Variants in EIF4G3 observed in about 807,000 individuals in gnomAD.
EIF4G3 encodes eIF-4-gamma 3.
Under a neutral mutation model 186.4 loss-of-function variants are expected in EIF4G3, and 34 were observed. The ratio of observed to expected loss-of-function variants is 0.18; its 90% CI spans 0.14 to 0.24. EIF4G3 has a LOEUF of 0.24. EIF4G3 is among the 10% of genes least tolerant of loss of function. EIF4G3 has a pLI of 1.00. For missense variants in EIF4G3, 1,536 were observed against 1,948.5 expected, an observed-to-expected ratio of 0.79 and a Z score of 3.99; for synonymous variants, 673 against 679.5, an observed-to-expected ratio of 0.99 and a Z score of 0.15.
At chr1:20,910,964 A>C (rs1018558665) in intron 14 of EIF4G3, among the ~76,000 whole-genome samples, 3 of 152,226 alleles carry the variant, frequency 2.0e-5, no homozygotes, top group African/African-American at 7.2e-5. Context: ...TTGTAATGAT[A>C]ATTTTAAATT....
intron 4 of EIF4G3, among the ~76,000 whole-genome samples, chr1:21,044,109 A>G (rs1412758158): frequency 1.3e-5 from 2 of 152,300 alleles, no homozygotes; most frequent in South Asian, 4.2e-4. Flanking sequence ...GTACATGGGG[A>G]CTTGGTGTGG....
chr1:21,081,636 A>ATTTT (rs566655576), intron 3 of EIF4G3, among the ~76,000 whole-genome samples: 2 of 122,770 alleles, frequency 1.6e-5, no homozygotes, highest in African/African-American at 3.0e-5. Context: ...GATGAGTCCA[A>ATTTT]TTTTTTTTTT....
At chr1:20,830,876 A>G (rs1270246852) in intron 30 of EIF4G3, among the ~76,000 whole-genome samples, 1 of 152,138 alleles carries the variant, frequency 6.6e-6, no homozygotes, top group African/African-American at 2.4e-5. Context: ...TCAGGTTTAC[A>G]GTTCTTAAAT....
At chr1:20,963,293 T>C (rs1046308063) in intron 12 of EIF4G3, among the ~76,000 whole-genome samples, 1 of 152,214 alleles carries the variant, frequency 6.6e-6, no homozygotes, top group Non-Finnish European at 1.5e-5. Flanking sequence ...TTTCAAATTA[T>C]CACAATGTCC....
At chr1:21,035,395 T>C (rs559135655) in intron 4 of EIF4G3, among the ~76,000 whole-genome samples, 24 of 152,080 alleles carry the variant, frequency 1.6e-4, no homozygotes, top group Admixed American at 7.9e-4. Flanking sequence ...GCCACTCAGG[T>C]CATGGCTGTG....
intron 14 of EIF4G3, among the ~76,000 whole-genome samples, chr1:20,911,601 G>A (rs1304323396): frequency 7.1e-6 from 1 of 140,514 alleles, no homozygotes; most frequent in Non-Finnish European, 1.5e-5. Flanking sequence ...ATGTAAAAGC[G>A]CTAACTACAT....
rs1314102530 is a variant in EIF4G3 at position 20,933,959 on chromosome 1, C to T, written c.1663+7532G>A. ...ATTTGGAAATCCTACTTTGGCCTCC[C>T]AAAATGTGGGGATTACAGGCATGAG... On this transcript the variant is annotated intron_variant, in intron 14 of 36. Coordinates refer to ENST00000602326, the MANE Select transcript of EIF4G3 (RefSeq NM_001391906.1). 2.6e-5 allele frequency among the ~76,000 whole-genome samples: 4 copies of T among 152,244 alleles called. No individual in the cohort carries two copies. The East Asian group carries it at 7.7e-4, about 29-fold the overall frequency.
At position 20,951,865 on chromosome 1, in the gene EIF4G3, T is replaced by C. The variant is rs371592629; in HGVS notation, c.715-1754A>G. ...GAGTCAATGATTTTTCCATCTAAAA[T>C]ACCTTCAATCATATAAAAGATGGAC... On this transcript the variant is annotated intron_variant, in intron 12 of 36. Transcript: ENST00000602326. 4.3e-4 allele frequency among the ~76,000 whole-genome samples: 66 copies of C among 152,256 alleles called. No individual in the cohort carries two copies. The East Asian group carries it at 6.0e-3, about 14-fold the overall frequency.
At chr1:20,947,327 G>C (rs547293149) in intron 13 of EIF4G3, among the ~76,000 whole-genome samples, 1 of 150,418 alleles carries the variant, frequency 6.6e-6, no homozygotes, top group South Asian at 2.1e-4. Context: ...CTGGGTGATA[G>C]AACGAAACCC....
chr1:21,164,924 A>T (rs1402458240), intron 2 of EIF4G3, among the ~76,000 whole-genome samples: 2 of 152,196 alleles, frequency 1.3e-5, no homozygotes, highest in East Asian at 3.8e-4. Context: ...CTGTTAAACA[A>T]CTTATATTCA....
chr1:20,935,073 G>A (rs898033459), intron 14 of EIF4G3, among the ~76,000 whole-genome samples: 1 of 152,140 alleles, frequency 6.6e-6, no homozygotes, highest in Non-Finnish European at 1.5e-5. Context: ...AAACAGGTGG[G>A]CTTTCATGTT....
At chr1:21,125,730 AATATAT>A (rs768189361) in intron 2 of EIF4G3, among the ~76,000 whole-genome samples, 170 of 147,366 alleles carry the variant, frequency 1.2e-3, no homozygotes, top group Admixed American at 3.6e-3. Context: ...AAAATAAATA[AATATAT>A]ATAAATAAAT....
At chr1:21,108,201 A>C (rs2096650408) in intron 2 of EIF4G3, among the ~76,000 whole-genome samples, 1 of 152,244 alleles carries the variant, frequency 6.6e-6, no homozygotes, top group South Asian at 2.1e-4. Context: ...GAATAAACAA[A>C]GAAAATCTGA....
chr1:21,051,679 T>C (rs2094220542), intron 3 of EIF4G3, among the ~76,000 whole-genome samples: 1 of 152,048 alleles, frequency 6.6e-6, no homozygotes, highest in Non-Finnish European at 1.5e-5. Context: ...TAGCAAGACT[T>C]CAACTGTATT....
At chr1:21,076,359 G>A (rs772718786) in intron 3 of EIF4G3, among the ~76,000 whole-genome samples, 35 of 151,868 alleles carry the variant, frequency 2.3e-4, no homozygotes, top group Non-Finnish European at 4.6e-4. Context: ...GTAGTAAAAC[G>A]AAAGTTTATT....
chr1:20,958,348 T>C (rs1252896468), intron 12 of EIF4G3, among the ~76,000 whole-genome samples: 1 of 152,102 alleles, frequency 6.6e-6, no homozygotes, highest in Non-Finnish European at 1.5e-5. Flanking sequence ...AAATCCAGCA[T>C]CCCTTTATGA....
At chr1:21,077,411 A>G (rs900715552) in intron 3 of EIF4G3, among the ~76,000 whole-genome samples, 2 of 151,966 alleles carry the variant, frequency 1.3e-5, no homozygotes, top group African/African-American at 4.8e-5. Context: ...GAAAAAAAAA[A>G]AAAGAAAAAA....
intron 2 of EIF4G3, among the ~76,000 whole-genome samples, chr1:21,102,568 G>A (rs1370096273): frequency 6.6e-6 from 1 of 152,070 alleles, no homozygotes. Flanking sequence ...AAATTTGATG[G>A]TATTATTTGA....
At chr1:20,871,188 T>C (rs1021289748) in intron 20 of EIF4G3, among the ~76,000 whole-genome samples, 2 of 152,186 alleles carry the variant, frequency 1.3e-5, no homozygotes, top group African/African-American at 4.8e-5. Flanking sequence ...GCAATCAATG[T>C]GAATGACATG....
Sources: gnomAD v4.1 joint callset for allele counts (sites outside exome capture counted in the v4.1 genomes callset) on GRCh38, gnomAD v4.1.1 for gene constraint, MANE v1.5 for transcripts, NCBI Gene and HGNC (gene_info 2026-07-23, HGNC 2026-07-21) for gene names.